PHKA2: variants seen among roughly 807,000 people sequenced by gnomAD.
PHKA2 encodes phosphorylase kinase regulatory subunit alpha 2.
In PHKA2, 31 loss-of-function variants were observed where a neutral mutation model predicts 102.0. The ratio of observed to expected loss-of-function variants is 0.30; its 90% CI spans 0.23 to 0.41. PHKA2 has a LOEUF of 0.41. Among genes scored for constraint, PHKA2 ranks in the 10% least tolerant of loss-of-function variants. The probability of loss-of-function intolerance (pLI) is 1.00; values close to 1 mark genes in which losing one functional copy is unlikely to be tolerated. For synonymous variants in PHKA2, 455 were observed against 416.2 expected, an observed-to-expected ratio of 1.09 and a Z score of -1.13; for missense variants, 858 against 1,023.1, an observed-to-expected ratio of 0.84 and a Z score of 2.20.
chrX:18,904,246 C>T (rs897494541), intron 26 of PHKA2, among the ~76,000 whole-genome samples: 1 of 111,762 alleles, frequency 8.9e-6, no homozygotes, highest in Non-Finnish European at 1.9e-5. Context: ...GGTCTGGAAG[C>T]TACAAGAGGG....
At chrX:18,934,247 T>C (rs930646727) in intron 11 of PHKA2, among the ~76,000 whole-genome samples, 4 of 112,368 alleles carry the variant, frequency 3.6e-5, no homozygotes, top group African/African-American at 1.3e-4. Context: ...GCAGGGGATC[T>C]AGGCTGAGGA....
chrX:18,938,937 A>G (rs1312448724), intron 9 of PHKA2, among the ~76,000 whole-genome samples, 188 bp from the exon 10 acceptor site: 1 of 112,415 alleles, frequency 8.9e-6, no homozygotes, highest in Non-Finnish European at 1.9e-5. Context: ...AGTAAGTCAG[A>G]AACATACACA....
rs775646952 is a variant in PHKA2, at chrX:18,905,815, T to C, written c.2851A>G (p.Met951Val). ...ESLMNLSPFD[M>V]KNLLHHILSG... Reference sequence around the variant, plus strand: ...AGAATATGGTGCAGGAGATTTTTCATATCGAAAGGGCTGAGGTTCATCAAA... The same window carrying C: ...AGAATATGGTGCAGGAGATTTTTCACATCGAAAGGGCTGAGGTTCATCAAA... Residue 951 changes from methionine to valine, a missense_variant, in exon 26 of 33, where the codon ATG (methionine) becomes GTG (valine). Met to Val is a conservative substitution (Grantham distance 21, BLOSUM62 1). Transcript: ENST00000379942. 2.8e-5 allele frequency: 34 copies of C among 1,206,292 alleles called. No individual in the cohort carries two copies. In the East Asian group the frequency reaches 9.5e-4, roughly 34 times the overall value.
intron 18 of PHKA2, 61 bp from the exon 19 acceptor site, chrX:18,918,915 C>T: frequency 1.0e-6 from 1 of 999,579 alleles, no homozygotes; most frequent in Middle Eastern, 2.6e-4. Context: ...TATGACTACA[C>T]AATAGTGACC....
At chrX:18,933,113 CAA>C (rs34515916) in intron 11 of PHKA2, among the ~76,000 whole-genome samples, 10 of 62,795 alleles carry the variant, frequency 1.6e-4, no homozygotes, top group Admixed American at 3.6e-4. Context: ...GACTCTGTCT[CAA>C]AAAAAAAAAA....
chrX:18,946,270 G>T (rs770363458), intron 5 of PHKA2, among the ~76,000 whole-genome samples: 1 of 110,890 alleles, frequency 9.0e-6, no homozygotes, highest in African/African-American at 3.3e-5. Context: ...GGGCATCCTA[G>T]AGCAACTTCC....
rs762801140 is a variant in PHKA2, at chrX:18,897,279, G to A, written c.3166C>T (p.His1056Tyr). The A allele has an allele frequency of 8.3e-7, 1 of 1,210,741 alleles. No homozygotes were observed. The highest frequency in any genetic ancestry group is 3.0e-5 in the East Asian group (1 of 33,796). The change falls in exon 30 of 33, where the codon CAT (histidine) becomes TAT (tyrosine). Residue 1056 changes from histidine to tyrosine, a missense_variant. His to Tyr is a moderately conservative substitution (Grantham distance 83). This residue lies in a region of PHKA2 where 671 missense variants were observed against 745.2 expected (regional missense o/e 0.90). Coordinates refer to ENST00000379942, the MANE Select transcript of PHKA2 (RefSeq NM_000292.3). The stretch of plus-strand genomic sequence containing the variant: ...TGCCGCTCACCCCAGCCGATGTGAT[G>A]TCCTCCCGAGTCTGAGGATGACGTG... ...TGTSSSDSGG[H>Y]HIGWGERQGQ...
At chrX:18,921,814 A>G (rs974627665) in intron 17 of PHKA2, among the ~76,000 whole-genome samples, 2 of 112,230 alleles carry the variant, frequency 1.8e-5, no homozygotes, top group Non-Finnish European at 1.9e-5. Flanking sequence ...CTCTGAGTCT[A>G]CAGCTCCTTG....
At chrX:18,929,428 TTC>T in intron 12 of PHKA2, 122 bp from the exon 13 acceptor site, 1 of 523,086 alleles carries the variant, frequency 1.9e-6, no homozygotes, top group South Asian at 2.7e-5. Context: ...CTTTATATTT[TTC>T]GAGTCAATTG....
rs1285012109 is a variant in PHKA2, at chrX:18,951,135, G to A, written c.423C>T (p.Phe141=). The change falls in exon 4 of 33, where the codon TTC becomes TTT. Residue 141 remains phenylalanine, a synonymous_variant. Coordinates refer to ENST00000379942, the MANE Select transcript of PHKA2 (RefSeq NM_000292.3). ...GHLQVDATSL[F]LLFLAQMTAS... ...CGGTCATCTGGGCCAGGAACAGGAG[G>A]AAGAGAGAGGTGGCATCCACCTGGA... 3.3e-6 allele frequency: 4 copies of A among 1,211,869 alleles called. No individual in the cohort carries two copies. The highest frequency in any genetic ancestry group is 4.5e-6 in the Non-Finnish European group (4 of 895,449).
At chrX:18,944,958 A>G (rs1364392072) in intron 6 of PHKA2, 120 bp downstream of exon 6, 1 of 564,588 alleles carries the variant, frequency 1.8e-6, no homozygotes, top group Middle Eastern at 3.1e-4. Flanking sequence ...TGAATTTCAC[A>G]TCCTTGATGC....
At chrX:18,911,235 G>A (rs758405339) in intron 19 of PHKA2, among the ~76,000 whole-genome samples, 9 of 106,065 alleles carry the variant, frequency 8.5e-5, no homozygotes, top group South Asian at 4.3e-4. Context: ...GTGCGATGGC[G>A]AGATCTTGGC....
chrX:18,960,363 T>A (rs1357227788), intron 1 of PHKA2, among the ~76,000 whole-genome samples: 1 of 111,977 alleles, frequency 8.9e-6, no homozygotes, highest in African/African-American at 3.2e-5. Flanking sequence ...TATCTGAGAC[T>A]GGGTAATTTA....
Position 18,973,867 on chromosome X carries a change from G to A in PHKA2, c.78+9988C>T, listed in dbSNP as rs755279758. 1.2e-3 allele frequency among the ~76,000 whole-genome samples: 136 copies of A among 111,746 alleles called. 1 individual carries two copies. Among genetic ancestry groups the A allele is most frequent in the Non-Finnish European group, 2.2e-3 (115 of 53,139 alleles). ...TTAATGACCCTTAATGCTGTCCAAC[G>A]ATTATCTAGAAATCCCTTGTCCATT... On this transcript the variant is annotated intron_variant, in intron 1 of 32. Transcript: ENST00000379942.
chrX:18,958,349 G>A (rs1601786259), intron 1 of PHKA2, among the ~76,000 whole-genome samples: 1 of 109,855 alleles, frequency 9.1e-6, no homozygotes, highest in East Asian at 2.8e-4. Context: ...TTTGTTTTCT[G>A]GGATTTTTTT....
intron 3 of PHKA2, 120 bp from the exon 4 acceptor site, chrX:18,951,392 G>A: frequency 1.4e-6 from 1 of 724,300 alleles, no homozygotes; most frequent in South Asian, 2.2e-5. Context: ...GAGCCAGAGG[G>A]ATGGAAGGCA....
At chrX:18,926,649 T>C in intron 13 of PHKA2, 62 bp from the exon 14 acceptor site, 2 of 1,049,549 alleles carry the variant, frequency 1.9e-6, no homozygotes, top group Non-Finnish European at 2.7e-6. Flanking sequence ...CATGGACACG[T>C]GTTCCTTACT....
chrX:18,892,564 T>C lies in PHKA2; in HGVS notation c.*921A>G, dbSNP rs753159164. ...TGGCTCTATTTTTCAGAGGGAAGCA[T>C]TGTTTCTGCGGGGACATGCCTGTTC... is the stretch of plus-strand genomic sequence containing the variant. On this transcript the variant is annotated 3_prime_UTR_variant, in exon 33 of 33. Transcript: ENST00000379942. 2 of 111,785 alleles carry C rather than the reference T, an allele frequency of 1.8e-5. No homozygotes were observed. Among genetic ancestry groups the C allele is most frequent in the Non-Finnish European group, 3.8e-5 (2 of 53,193 alleles). The allele number at this position is 111,785 out of a possible 1,213,427, so 9.2% of individuals were successfully genotyped here.
In PHKA2 at chrX:18,910,894, G is replaced by A. The variant is rs2047910589; in HGVS notation, c.2204C>T (p.Ser735Phe). The stretch of plus-strand genomic sequence containing the variant: ...TACCTTTTCTAGGAGTGGCTGAGGA[G>A]AATCAACAAGATTCAGTGATTTACG... Reference protein sequence around the residue: ...AHRKSLNLVDSPQPLLEKVPE... With the variant: ...AHRKSLNLVDFPQPLLEKVPE... The change falls in exon 20 of 33, where the codon TCT (serine) becomes TTT (phenylalanine). Residue 735 changes from serine (S) to phenylalanine (F), a missense_variant. Ser to Phe is a radical substitution (Grantham distance 155, BLOSUM62 -2). Around this residue, in one of 2 missense-constraint regions of PHKA2, gnomAD observed 671 missense variants for 745.2 expected, o/e 0.90. Transcript: ENST00000379942. 8.4e-7 allele frequency: 1 copy of A among 1,186,779 alleles called. No homozygotes were observed. Among genetic ancestry groups the A allele is most frequent in the South Asian group, 1.8e-5 (1 of 56,298 alleles).
Sources: gnomAD v4.1 joint callset for allele counts (sites outside exome capture counted in the v4.1 genomes callset) on GRCh38, gnomAD v4.1.1 for gene constraint, gnomAD v4.1.1 regional missense constraint, MANE v1.5 for transcripts, NCBI Gene and HGNC (gene_info 2026-07-23, HGNC 2026-07-21) for gene names.